The following NSD2 variants were observed in gnomAD, a reference collection of about 807,000 sequenced individuals.
NSD2 encodes the protein histone-lysine N-methyltransferase NSD2.
NSD2 carries 12 observed loss-of-function variants against 139.0 expected under a neutral mutation model. The observed-to-expected ratio is 0.09, with a 90% CI of 0.06 to 0.14. The LOEUF is 0.14. Ranked by LOEUF, NSD2 falls within the 10% of genes least tolerant of loss-of-function variation. The probability of loss-of-function intolerance (pLI) is 1.00; values close to 1 mark genes in which losing one functional copy is unlikely to be tolerated. For synonymous variants in NSD2, 669 were observed against 648.7 expected (o/e 1.03, Z -0.48); for missense variants, 1,155 against 1,745.0 (o/e 0.66, Z 6.02).
chr4:1,909,748 C>T lies in NSD2; in HGVS notation c.760+5370C>T, dbSNP rs529296698. 6.1e-4 allele frequency among the ~76,000 whole-genome samples: 92 copies of T among 151,630 alleles called. 1 individual carries two copies. The highest frequency in any genetic ancestry group is 2.2e-3 in the African/African-American group (90 of 41,310). ...CTCCATTTCCCAGGTTCAAGCGATT[C>T]TCCTGTCTCAGCCTCCCGAGTAGCT... is the stretch of plus-strand genomic sequence containing the variant. On this transcript the variant is annotated intron_variant, in intron 3 of 21. Coordinates refer to ENST00000508803, the MANE Select transcript of NSD2 (RefSeq NM_001042424.3).
At chr4:1,969,633 G>C (rs1726237648) in intron 18 of NSD2, among the ~76,000 whole-genome samples, 1 of 151,956 alleles carries the variant, frequency 6.6e-6, no homozygotes, top group South Asian at 2.1e-4. Context: ...CTTGAGCCCA[G>C]GAGGCCAAGG....
intron 5 of NSD2, among the ~76,000 whole-genome samples, chr4:1,924,884 G>T (rs142903185): frequency 5.3e-5 from 8 of 152,186 alleles, no homozygotes; most frequent in African/African-American, 1.4e-4. Flanking sequence ...CCATCATTGC[G>T]CCACTGCACT....
chr4:1,904,302 C>G lies in NSD2; in HGVS notation c.684C>G (p.Ser228=). 1 of 1,614,140 alleles carries G rather than the reference C, an allele frequency of 6.2e-7. No homozygotes were observed. The highest frequency in any genetic ancestry group is 1.7e-5 in the Admixed American group (1 of 60,028). ...ACAACGTTGGTGATTTGGTGTGGTC[C>G]AAAGTGTCGGGTTACCCTTGGTGGC... ...LKYNVGDLVW[S]KVSGYPWWPC... is the part of the protein sequence containing the mutation. Residue 228 remains serine, a synonymous_variant, in exon 3 of 22, where the codon TCC becomes TCG. Transcript: ENST00000508803.
chr4:1,916,344 TC>T (rs1188622267), intron 3 of NSD2, among the ~76,000 whole-genome samples: 1 of 152,150 alleles, frequency 6.6e-6, no homozygotes, highest in Non-Finnish European at 1.5e-5. Flanking sequence ...TTCTTTTTTT[TC>T]CTTTCTTTTT....
At chr4:1,893,148 T>G (rs1715745906) in intron 1 of NSD2, among the ~76,000 whole-genome samples, 1 of 152,180 alleles carries the variant, frequency 6.6e-6, no homozygotes, top group Non-Finnish European at 1.5e-5. Context: ...TTTTACACCT[T>G]TCTTTTGTGA....
At chr4:1,872,623 A>AGAGAGAGAGAGAGAGAGAGAGC (rs1560534069) in intron 1 of NSD2, among the ~76,000 whole-genome samples, 1 of 143,834 alleles carries the variant, frequency 7.0e-6, no homozygotes, top group Non-Finnish European at 1.5e-5. Flanking sequence ...AGAGAGAGAG[A>AGAGAGAGAGAGAGAGAGAGAGC]GAGAGAGAGA....
chr4:1,945,694 G>T lies in NSD2; in HGVS notation c.1882-5378G>T, dbSNP rs185503523. 0.01 allele frequency: 10,853 copies of T among 1,063,082 alleles called. 80 individuals carry two copies. The highest frequency in any genetic ancestry group is 0.012 in the Non-Finnish European group (10,097 of 877,870). The allele number at this position is 1,063,082 out of a possible 1,614,324, so 65.9% of individuals were successfully genotyped here. ...CAAATGAGGGAAAAGTCCTTGGCTC[G>T]TTTGATCCAGTTGAGTTGAAAGGGT... is the stretch of plus-strand genomic sequence containing the variant. On this transcript the variant is annotated intron_variant, in intron 9 of 21. Transcript: ENST00000508803.
chr4:1,978,207 A>G (rs1727318280), intron 21 of NSD2, among the ~76,000 whole-genome samples: 1 of 152,234 alleles, frequency 6.6e-6, no homozygotes, highest in South Asian at 2.1e-4. Flanking sequence ...AGTGTTGGCC[A>G]TGGGTGCGAG....
At chr4:1,971,586 C>T (rs1490193595) in intron 18 of NSD2, among the ~76,000 whole-genome samples, 4 of 152,216 alleles carry the variant, frequency 2.6e-5, no homozygotes, top group African/African-American at 4.8e-5. Context: ...ACAATAGTGC[C>T]GTGTACTTTT....
At chr4:1,943,023 G>C in intron 9 of NSD2, 1 of 1,050,474 alleles carries the variant, frequency 9.5e-7, no homozygotes, top group South Asian at 4.6e-5. Flanking sequence ...TAACCCTTTT[G>C]ATCCAAGGCC....
At chr4:1,915,262 C>G (rs1414991690) in intron 3 of NSD2, among the ~76,000 whole-genome samples, 1 of 151,522 alleles carries the variant, frequency 6.6e-6, no homozygotes, top group Non-Finnish European at 1.5e-5. Flanking sequence ...GCTACAGGCG[C>G]CCACCACCAT....
chr4:1,895,727 G>T (rs1460910665), intron 1 of NSD2, among the ~76,000 whole-genome samples: 1 of 152,230 alleles, frequency 6.6e-6, no homozygotes, highest in African/African-American at 2.4e-5. Flanking sequence ...CCCATGAGCA[G>T]TTCTCAGGTT....
In NSD2 at chr4:1,974,755, A is replaced by G. The variant is rs1190094030; in HGVS notation, c.3373-108A>G. On this transcript the variant is annotated intron_variant, in intron 18 of 21. Transcript: ENST00000508803. The surrounding 1 kb of genome is among the most constrained non-coding windows in gnomAD (Gnocchi z 4.0). ...GACACAGGACACCACGGTTTTCAGT[A>G]CAACAAGGAACACAACTTGTTCAAT... The G allele has an allele frequency of 6.6e-7, 1 of 1,506,134 alleles. No individual in the cohort carries two copies. The highest frequency in any genetic ancestry group is 1.4e-5 in the African/African-American group (1 of 72,682). The allele number at this position is 1,506,134 out of a possible 1,614,324, so 93.3% of individuals were successfully genotyped here. A position where few individuals can be genotyped will look rare whatever the true frequency, so the allele number is the denominator to read the frequency against.
chr4:1,964,038 G>A (rs1429943595), intron 18 of NSD2, among the ~76,000 whole-genome samples: 3 of 152,098 alleles, frequency 2.0e-5, no homozygotes, highest in Non-Finnish European at 2.9e-5. Context: ...CTACTTAAAC[G>A]TTTACAAAGC....
chr4:1,904,463 A>C, intron 3 of NSD2, 85 bp downstream of exon 3: 4 of 1,426,452 alleles, frequency 2.8e-6, no homozygotes, highest in Non-Finnish European at 3.8e-6. Flanking sequence ...TACTCTTTCT[A>C]AATAGCCCTG....
chr4:1,941,268 T>C (rs878931678), intron 9 of NSD2: 5 of 1,057,232 alleles, frequency 4.7e-6, no homozygotes, highest in Non-Finnish European at 4.6e-6. Flanking sequence ...GAGCTTTTAA[T>C]GAGTTTTTCT....
intron 18 of NSD2, among the ~76,000 whole-genome samples, chr4:1,965,754 AC>A (rs1725823496): frequency 1.3e-5 from 2 of 152,206 alleles, no homozygotes; most frequent in Non-Finnish European, 2.9e-5. Context: ...GGTGAAGGGT[AC>A]CTTTGCACAT....
chr4:1,886,847 A>T (rs1288873062), intron 1 of NSD2, among the ~76,000 whole-genome samples: 1 of 152,130 alleles, frequency 6.6e-6, no homozygotes, highest in African/African-American at 2.4e-5. Context: ...CAAAAAAAAA[A>T]TAACTTGCTT....
At chr4:1,881,001 T>C (rs1300905415) in intron 1 of NSD2, among the ~76,000 whole-genome samples, 3 of 152,320 alleles carry the variant, frequency 2.0e-5, no homozygotes, top group African/African-American at 7.2e-5. Flanking sequence ...CTTTTAGAGG[T>C]GCATACAGAC....
Sources: allele counts gnomAD v4.1 joint callset (sites outside exome capture counted in the v4.1 genomes callset), GRCh38; gene constraint gnomAD v4.1.1; non-coding constraint Gnocchi (gnomAD v3.1); transcripts MANE v1.5; gene names NCBI Gene and HGNC (gene_info 2026-07-23, HGNC 2026-07-21).